Variants in SLC35A1 observed in about 807,000 individuals in gnomAD.
SLC35A1 encodes solute carrier family 35 member A1, also known as CMP-sialic acid transporter.
Under a neutral mutation model 40.3 loss-of-function variants are expected in SLC35A1, and 21 were observed. The observed-to-expected ratio is 0.52, with a 90% confidence interval of 0.37 to 0.75. The LOEUF (loss-of-function observed/expected upper bound fraction) is 0.75, where lower values mean the gene tolerates loss of function less well. Among genes scored for constraint, SLC35A1 ranks in the 30% least tolerant of loss-of-function variants. The pLI, the probability that SLC35A1 is intolerant of heterozygous loss-of-function variation, is 0.00. For missense variants in SLC35A1, 297 were observed against 382.1 expected, an observed-to-expected ratio of 0.78 and a Z score of 1.86; for synonymous variants, 146 against 147.3, an observed-to-expected ratio of 0.99 and a Z score of 0.06.
intron 2 of SLC35A1, among the ~76,000 whole-genome samples, chr6:87,500,145 T>C (rs556223457): frequency 6.6e-6 from 1 of 152,204 alleles, no homozygotes; most frequent in East Asian, 1.9e-4. Flanking sequence ...AACTGATCAA[T>C]TAAAAAGTAA....
chr6:87,510,597 A>C (rs1025456169), intron 7 of SLC35A1, among the ~76,000 whole-genome samples: 1 of 152,160 alleles, frequency 6.6e-6, no homozygotes, highest in African/African-American at 2.4e-5. Context: ...AAAATGAAAA[A>C]AGGTGCCGGG....
chr6:87,498,172 A>G (rs1769799455), intron 2 of SLC35A1, among the ~76,000 whole-genome samples: 2 of 152,172 alleles, frequency 1.3e-5, no homozygotes, highest in South Asian at 4.1e-4. Flanking sequence ...ATATGGGAGA[A>G]GGTGGAGTGT....
At chr6:87,490,977 AG>A (rs1426752279) in intron 2 of SLC35A1, among the ~76,000 whole-genome samples, 1 of 152,220 alleles carries the variant, frequency 6.6e-6, no homozygotes, top group Non-Finnish European at 1.5e-5. Flanking sequence ...TGAGAATGGC[AG>A]GCTGCCAGAG....
intron 4 of SLC35A1, 76 bp from the exon 5 acceptor site, chr6:87,506,306 G>C: frequency 1.6e-5 from 18 of 1,131,330 alleles, no homozygotes; most frequent in Non-Finnish European, 2.4e-5. Context: ...ACAGGTTTTT[G>C]TATTTATTTG....
intron 5 of SLC35A1, among the ~76,000 whole-genome samples, chr6:87,507,441 ACT>A (rs1562027273): frequency 1.3e-5 from 2 of 152,174 alleles, no homozygotes; most frequent in African/African-American, 4.8e-5. Flanking sequence ...TTATTAGTTC[ACT>A]CTCTTAATAC....
intron 1 of SLC35A1, among the ~76,000 whole-genome samples, chr6:87,475,078 C>T (rs759146136): frequency 6.6e-6 from 1 of 152,066 alleles, no homozygotes; most frequent in African/African-American, 2.4e-5. Flanking sequence ...GCAAACTTTT[C>T]CTGTGAAGGG....
chr6:87,478,104 T>C (rs111709980), intron 2 of SLC35A1, among the ~76,000 whole-genome samples: 1 of 126,218 alleles, frequency 7.9e-6, no homozygotes, highest in South Asian at 2.5e-4. Flanking sequence ...ACTTTACCCC[T>C]GTTTTATTGA....
At chr6:87,510,800 G>A (rs372563173) in intron 7 of SLC35A1, among the ~76,000 whole-genome samples, 1 of 152,088 alleles carries the variant, frequency 6.6e-6, no homozygotes, top group Middle Eastern at 3.4e-3. Flanking sequence ...GGACCTGGGA[G>A]GCAGAGGTTG....
intron 1 of SLC35A1, 79 bp downstream of exon 1, chr6:87,473,098 C>G (rs1361513232): frequency 1.2e-5 from 5 of 421,644 alleles, no homozygotes; most frequent in African/African-American, 2.0e-5. Context: ...CAGCCCCTGT[C>G]GGGCAGCGGA....
At chr6:87,473,067 C>T (rs1193994121) in intron 1 of SLC35A1, 48 bp downstream of exon 1, 1 of 468,274 alleles carries the variant, frequency 2.1e-6, no homozygotes. Flanking sequence ...GGGGCGGCGG[C>T]GGGCGAGCAT....
intron 1 of SLC35A1, among the ~76,000 whole-genome samples, chr6:87,474,310 C>T (rs543054870): frequency 6.6e-6 from 1 of 152,336 alleles, no homozygotes; most frequent in African/African-American, 2.4e-5. Context: ...CTGGGACTTA[C>T]AGAATTTCTA....
At chr6:87,487,020 T>C (rs1264303145) in intron 2 of SLC35A1, among the ~76,000 whole-genome samples, 3 of 151,838 alleles carry the variant, frequency 2.0e-5, no homozygotes, top group African/African-American at 7.3e-5. Context: ...CTACTAAAAA[T>C]ACAAAAATTA....
chr6:87,508,276 C>T (rs1770149418), intron 5 of SLC35A1, 144 bp from the exon 6 acceptor site: 2 of 618,152 alleles, frequency 3.2e-6, no homozygotes, highest in Non-Finnish European at 2.8e-6. Context: ...ACACAACCTA[C>T]ATAATAAATG....
intron 2 of SLC35A1, among the ~76,000 whole-genome samples, chr6:87,496,350 T>C (rs1172884338): frequency 1.3e-5 from 2 of 152,212 alleles, no homozygotes; most frequent in Non-Finnish European, 2.9e-5. Flanking sequence ...AGGAAGACTA[T>C]ATCTAAAAAG....
rs114567004 is a variant in SLC35A1 at position 87,509,305 on chromosome 6, T to C, written c.886+130T>C. On this transcript the variant is annotated intron_variant, in intron 7 of 7. Transcript: ENST00000369552. ...AAATTCCTAGCTTTGTTACTACAGT[T>C]TATTCCACCAGTACAGCTGTTCATA... is the stretch of plus-strand genomic sequence containing the variant. 595 of 1,147,150 alleles carry C rather than the reference T, an allele frequency of 5.2e-4. 1 individual carries two copies. In the African/African-American group the frequency reaches 8.1e-3, roughly 16 times the overall value. 71.1% of individuals were successfully genotyped at this position (1,147,150 alleles called of 1,614,324 possible).
chr6:87,482,835 G>T (rs1769283077), intron 2 of SLC35A1, among the ~76,000 whole-genome samples: 1 of 98,270 alleles, frequency 1.0e-5, no homozygotes, highest in Non-Finnish European at 2.0e-5. Context: ...TTTGTCTTAG[G>T]ATACTTCTGA....
At chr6:87,486,043 T>C (rs1211892930) in intron 2 of SLC35A1, among the ~76,000 whole-genome samples, 1 of 152,228 alleles carries the variant, frequency 6.6e-6, no homozygotes, top group Non-Finnish European at 1.5e-5. Flanking sequence ...CTTTATAGGG[T>C]TGATACAAAG....
Position 87,472,997 on chromosome 6 carries a change from G to A in SLC35A1, c.-7G>A. 1.5e-6 allele frequency: 1 copy of A among 681,546 alleles called. No individual in the cohort carries two copies. The highest frequency in any genetic ancestry group is 1.9e-5 in the African/African-American group (1 of 52,892). The allele number at this position is 681,546 out of a possible 1,614,324, so 42.2% of individuals were successfully genotyped here. ...GCGTCAGTTCCGCGGGGGGCTGTCGGGGAACCATGGCTGCCCCGAGAGGTG... is the reference window on the plus strand; with the variant it reads ...GCGTCAGTTCCGCGGGGGGCTGTCGAGGAACCATGGCTGCCCCGAGAGGTG... On this transcript the variant is annotated 5_prime_UTR_variant, in exon 1 of 8. Transcript: ENST00000369552.
chr6:87,500,354 G>A (rs1769881472), intron 2 of SLC35A1, among the ~76,000 whole-genome samples, 154 bp from the exon 3 acceptor site: 1 of 152,114 alleles, frequency 6.6e-6, no homozygotes, highest in Non-Finnish European at 1.5e-5. Flanking sequence ...TTATTGGTAT[G>A]TTTCTTTTAA....
Sources: allele counts gnomAD v4.1 joint callset (sites outside exome capture counted in the v4.1 genomes callset), GRCh38; gene constraint gnomAD v4.1.1; transcripts MANE v1.5; gene names NCBI Gene and HGNC (gene_info 2026-07-23, HGNC 2026-07-21).